The following GPC6 variants were observed in gnomAD, a reference collection of about 807,000 sequenced individuals.
GPC6 encodes glypican-6.
A neutral mutation model predicts 55.2 loss-of-function variants in GPC6; 14 were observed. The observed-to-expected ratio is 0.25, with a 90% CI of 0.17 to 0.40. The LOEUF is 0.40. Ranked by LOEUF, GPC6 falls within the 10% of genes least tolerant of loss-of-function variation. The pLI is 1.00. For synonymous variants in GPC6, 278 were observed against 259.6 expected (o/e 1.07, Z -0.68); for missense variants, 641 against 708.5 (o/e 0.90, Z 1.08).
chr13:94,261,388 A>G (rs1227971643), intron 4 of GPC6, among the ~76,000 whole-genome samples: 1 of 152,224 alleles, frequency 6.6e-6, no homozygotes, highest in Non-Finnish European at 1.5e-5. Context: ...GTTCAGCAGG[A>G]AGAGCAAGTG....
At chr13:93,817,176 T>C (rs1237965505) in intron 2 of GPC6, among the ~76,000 whole-genome samples, 1 of 152,218 alleles carries the variant, frequency 6.6e-6, no homozygotes. Context: ...TTTCCCTAAA[T>C]GTAAGACGTT....
At chr13:93,656,484 G>A (rs1156816544) in intron 2 of GPC6, among the ~76,000 whole-genome samples, 3 of 152,004 alleles carry the variant, frequency 2.0e-5, no homozygotes, top group Non-Finnish European at 4.4e-5. Context: ...GAAAGATAAT[G>A]TTATATTTCT....
chr13:94,026,018 T>C (rs1594675944), intron 3 of GPC6, among the ~76,000 whole-genome samples: 2 of 152,194 alleles, frequency 1.3e-5, no homozygotes, highest in East Asian at 3.9e-4. Context: ...AAAAAGCAAC[T>C]GTAGAAAAAC....
At chr13:93,637,531 G>A (rs140395947) in intron 2 of GPC6, among the ~76,000 whole-genome samples, 1 of 152,060 alleles carries the variant, frequency 6.6e-6, no homozygotes, top group African/African-American at 2.4e-5. Context: ...TATCGTCTCA[G>A]GTTATGCATG....
chr13:93,375,464 C>T (rs1472726281), intron 1 of GPC6, among the ~76,000 whole-genome samples: 1 of 152,198 alleles, frequency 6.6e-6, no homozygotes, highest in East Asian at 1.9e-4. Context: ...CTAAGTGGGT[C>T]TGGGCCTTCC....
chr13:93,649,302 A>G (rs1880306370), intron 2 of GPC6, among the ~76,000 whole-genome samples: 1 of 152,122 alleles, frequency 6.6e-6, no homozygotes, highest in Non-Finnish European at 1.5e-5. Flanking sequence ...ATTTAAAAAC[A>G]TTAGCCTGGT....
At chr13:93,873,555 A>T (rs562684218) in intron 3 of GPC6, among the ~76,000 whole-genome samples, 22 of 152,000 alleles carry the variant, frequency 1.4e-4, no homozygotes, top group Admixed American at 1.2e-3. Context: ...GGCCACAGGG[A>T]TGCTACAAAG....
intron 2 of GPC6, among the ~76,000 whole-genome samples, chr13:93,561,520 C>T (rs1875805553): frequency 6.6e-6 from 1 of 151,168 alleles, no homozygotes; most frequent in African/African-American, 2.4e-5. Context: ...TTATATTTCA[C>T]ATCCGCTAAT....
At position 93,274,185 on chromosome 13, in the gene GPC6, A is replaced by G. The variant is rs190473471; in HGVS notation, c.160+46569A>G. On this transcript the variant is annotated intron_variant, in intron 1 of 8. Transcript: ENST00000377047. ...TAAAAGCGAGTGGTAAAAAGCAGTC[A>G]CCTACAGATGTATTCATTAATTCAT... Among the ~76,000 whole-genome samples, 3 of 152,320 alleles carry G rather than the reference A, an allele frequency of 2.0e-5. No homozygotes were observed. The East Asian group carries it at 5.8e-4, about 29-fold the overall frequency.
chr13:94,365,030 T>C (rs1334905789), intron 6 of GPC6, among the ~76,000 whole-genome samples: 1 of 152,226 alleles, frequency 6.6e-6, no homozygotes, highest in Non-Finnish European at 1.5e-5. Context: ...AACCAGGCAT[T>C]GTGCTAGGAG....
chr13:93,892,674 T>C (rs1403510199), intron 3 of GPC6, among the ~76,000 whole-genome samples: 3 of 152,198 alleles, frequency 2.0e-5, no homozygotes, highest in African/African-American at 2.4e-5. Flanking sequence ...GGTATAGATA[T>C]AGATGCCAAG....
At chr13:93,264,832 T>A (rs997306273) in intron 1 of GPC6, among the ~76,000 whole-genome samples, 3 of 152,192 alleles carry the variant, frequency 2.0e-5, no homozygotes, top group South Asian at 2.1e-4. Flanking sequence ...ATTTTATTTT[T>A]TTTTCCAAAG....
At chr13:93,493,612 G>A (rs950538772) in intron 1 of GPC6, among the ~76,000 whole-genome samples, 8 of 137,698 alleles carry the variant, frequency 5.8e-5, no homozygotes, top group Non-Finnish European at 7.9e-5. Flanking sequence ...TAATTGTGAT[G>A]TTAGGGTGTC....
intron 3 of GPC6, among the ~76,000 whole-genome samples, chr13:93,872,567 T>C (rs1889161893): frequency 6.6e-6 from 1 of 151,974 alleles, no homozygotes; most frequent in African/African-American, 2.4e-5. Context: ...TCCTTGGCCC[T>C]GTCCAGCTGC....
At chr13:94,222,084 G>T (rs1230343952) in intron 4 of GPC6, among the ~76,000 whole-genome samples, 1 of 150,788 alleles carries the variant, frequency 6.6e-6, no homozygotes, top group African/African-American at 2.4e-5. Flanking sequence ...CCAGGTTTTT[G>T]TCACAAACAA....
the GPC6 span, among the ~76,000 whole-genome samples, chr13:93,219,088 CTATTTTTTTTTTTTTT>C: frequency 7.2e-6 from 1 of 138,648 alleles, no homozygotes; most frequent in Non-Finnish European, 1.6e-5. Context: ...TCTTTCTTTC[CTATTTTTTTTTTTTTT>C]TCTTTTTTAG....
intron 1 of GPC6, among the ~76,000 whole-genome samples, chr13:93,236,162 G>A (rs1366488256): frequency 6.6e-6 from 1 of 152,170 alleles, no homozygotes; most frequent in African/African-American, 2.4e-5. Flanking sequence ...TGGTCTTTCA[G>A]CTGGACCCTC....
chr13:93,690,655 C>T (rs1882226929), intron 2 of GPC6, among the ~76,000 whole-genome samples: 1 of 151,908 alleles, frequency 6.6e-6, no homozygotes, highest in Admixed American at 6.6e-5. Flanking sequence ...CCACAGAAAG[C>T]TATGGCAAAG....
chr13:93,882,387 C>T (rs1180353270), intron 3 of GPC6, among the ~76,000 whole-genome samples: 6 of 151,910 alleles, frequency 3.9e-5, no homozygotes, highest in Non-Finnish European at 8.8e-5. Context: ...GCTCAAACGA[C>T]CCACCCCTCA....
Sources: allele counts gnomAD v4.1 joint callset (sites outside exome capture counted in the v4.1 genomes callset), GRCh38; gene constraint gnomAD v4.1.1; transcripts MANE v1.5; gene names NCBI Gene and HGNC (gene_info 2026-07-23, HGNC 2026-07-21).